The following PTPRN2 variants were observed in gnomAD, a reference collection of about 807,000 sequenced individuals.
The protein encoded by PTPRN2 is receptor-type tyrosine-protein phosphatase N2.
PTPRN2 carries 74 observed loss-of-function variants against 118.8 expected under a neutral mutation model. That is an observed-to-expected ratio of 0.62 (90% CI 0.52 to 0.76). PTPRN2 has a LOEUF of 0.76. Among genes scored for constraint, PTPRN2 ranks in the 30% least tolerant of loss-of-function variants. PTPRN2 has a pLI of 0.00. For synonymous variants in PTPRN2, 641 were observed against 608.0 expected, an observed-to-expected ratio of 1.05 and a Z score of -0.80; for missense variants, 1,481 against 1,394.4, an observed-to-expected ratio of 1.06 and a Z score of -0.99.
intron 2 of PTPRN2, among the ~76,000 whole-genome samples, chr7:158,337,493 G>A (rs201715630): frequency 4.6e-5 from 6 of 130,752 alleles, no homozygotes; most frequent in South Asian, 2.4e-4. Flanking sequence ...GACACCTGCA[G>A]ACGTCACTCG....
intron 22 of PTPRN2, among the ~76,000 whole-genome samples, chr7:157,541,888 T>C (rs1041164783): frequency 2.6e-5 from 4 of 152,228 alleles, no homozygotes; most frequent in African/African-American, 9.6e-5. Flanking sequence ...TCTCCTTTCA[T>C]ATTCTTCTGC....
At chr7:158,145,143 C>T (rs6950277) in intron 6 of PTPRN2, among the ~76,000 whole-genome samples, 29,242 of 131,162 alleles carry the variant, frequency 0.22, 1,127 homozygotes, top group East Asian at 0.26. Flanking sequence ...CAGAATACCA[C>T]GGCTCGGCAA....
At chr7:158,169,615 A>G (rs944963538) in intron 5 of PTPRN2, among the ~76,000 whole-genome samples, 5 of 151,860 alleles carry the variant, frequency 3.3e-5, no homozygotes, top group Non-Finnish European at 4.4e-5. Flanking sequence ...GTTCTCATAT[A>G]TGAACTTGGG....
chr7:157,621,655 T>A, intron 14 of PTPRN2, 146 bp from the exon 15 acceptor site: 2 of 957,174 alleles, frequency 2.1e-6, no homozygotes, highest in Non-Finnish European at 3.2e-6. Context: ...GACGTTGTGC[T>A]ACGGTGCACA....
At chr7:157,870,522 T>C (rs765986202) in intron 12 of PTPRN2, among the ~76,000 whole-genome samples, 16 of 152,270 alleles carry the variant, frequency 1.1e-4, no homozygotes, top group Non-Finnish European at 2.2e-4. Context: ...CATGTTGCTC[T>C]GATAGGGGCT....
intron 1 of PTPRN2, among the ~76,000 whole-genome samples, chr7:158,554,585 C>T (rs1456944655): frequency 1.3e-5 from 2 of 152,142 alleles, no homozygotes; most frequent in African/African-American, 2.4e-5. Context: ...TTGCTCTCAG[C>T]TTGTTCTGGG....
intron 12 of PTPRN2, among the ~76,000 whole-genome samples, chr7:157,775,457 G>C (rs1803144447): frequency 6.6e-6 from 1 of 152,242 alleles, no homozygotes; most frequent in Non-Finnish European, 1.5e-5. Flanking sequence ...AACCCTTGCA[G>C]TTCAACCCAC....
At chr7:158,172,787 C>A (rs1823825575) in intron 5 of PTPRN2, among the ~76,000 whole-genome samples, 1 of 150,002 alleles carries the variant, frequency 6.7e-6, no homozygotes, top group Non-Finnish European at 1.5e-5. Context: ...AGCATCCCAC[C>A]ATCATCATCT....
chr7:158,081,522 G>T, intron 10 of PTPRN2, 145 bp from the exon 11 acceptor site: 1 of 714,130 alleles, frequency 1.4e-6, no homozygotes, highest in Non-Finnish European at 2.4e-6. Context: ...TCCACTGGAC[G>T]TCGGTTTTCC....
intron 11 of PTPRN2, among the ~76,000 whole-genome samples, chr7:158,018,966 C>CAAAAA (rs753498681): frequency 7.3e-3 from 479 of 65,894 alleles, no homozygotes; most frequent in African/African-American, 0.012. Context: ...GTTTCAAAAA[C>CAAAAA]AAAAAAAAAA....
chr7:158,124,030 ACCTCAGATC>A (rs1390678375), intron 9 of PTPRN2, among the ~76,000 whole-genome samples: 1 of 151,972 alleles, frequency 6.6e-6, no homozygotes, highest in African/African-American at 2.4e-5. Context: ...ATCTGATTCG[ACCTCAGATC>A]CCGTGCCGAC....
Position 158,200,166 on chromosome 7 carries a change from T to C in PTPRN2, c.380+5005A>G, listed in dbSNP as rs919435224. Among the ~76,000 whole-genome samples, 7 of 152,134 alleles carry C rather than the reference T, an allele frequency of 4.6e-5. No homozygotes were observed. In the East Asian group the frequency reaches 1.2e-3, roughly 25 times the overall value. On this transcript the variant is annotated intron_variant, in intron 4 of 22. Coordinates refer to ENST00000389418, the MANE Select transcript of PTPRN2 (RefSeq NM_002847.5). The stretch of plus-strand genomic sequence containing the variant: ...ACCCAAGGGGCTTTGGAAACACCAC[T>C]TGATCTTATAAAAGCTGAGTTTCAA...
chr7:157,761,711 C>T (rs1310366007), intron 12 of PTPRN2, among the ~76,000 whole-genome samples: 6 of 148,942 alleles, frequency 4.0e-5, no homozygotes, highest in Non-Finnish European at 5.9e-5. Context: ...ATGTCTAAAA[C>T]GCCAAAAGCA....
intron 12 of PTPRN2, among the ~76,000 whole-genome samples, chr7:157,803,314 T>G (rs1805434048): frequency 6.6e-6 from 1 of 152,128 alleles, no homozygotes; most frequent in Non-Finnish European, 1.5e-5. Flanking sequence ...GGTATGCAAA[T>G]ATTTCCTCCC....
In PTPRN2 at chr7:158,336,679, GA is replaced by G. The variant is rs1805613402; in HGVS notation, c.164-19748del. Among the ~76,000 whole-genome samples the G allele has an allele frequency of 7.4e-5, 8 of 108,492 alleles. 1 individual carries two copies. Among genetic ancestry groups the G allele is most frequent in the African/African-American group, 2.6e-4 (8 of 30,694 alleles). The allele number at this position is 108,492 out of a possible 152,430, so 71.2% of individuals were successfully genotyped here. A position where few individuals can be genotyped will look rare whatever the true frequency, so the allele number is the denominator to read the frequency against. The stretch of plus-strand genomic sequence containing the variant: ...ACTCACACCCACACTCTCACCATAA[GA>G]GCTGACGCCCGCAGACGTCACTCAC... On this transcript the variant is annotated intron_variant, in intron 2 of 22. Coordinates refer to ENST00000389418, the MANE Select transcript of PTPRN2 (RefSeq NM_002847.5).
intron 1 of PTPRN2, among the ~76,000 whole-genome samples, chr7:158,496,171 A>G (rs1821828380): frequency 6.6e-6 from 1 of 151,454 alleles, no homozygotes; most frequent in Non-Finnish European, 1.5e-5. Flanking sequence ...GCCCAGTCCC[A>G]GTCTGGGGAC....
intron 6 of PTPRN2, among the ~76,000 whole-genome samples, chr7:158,158,097 A>C (rs1443756150): frequency 1.3e-5 from 2 of 152,082 alleles, no homozygotes; most frequent in African/African-American, 4.8e-5. Context: ...GCTTGGGTTT[A>C]GAGCACTGAG....
intron 2 of PTPRN2, among the ~76,000 whole-genome samples, chr7:158,366,970 C>G (rs755031299): frequency 3.9e-5 from 6 of 152,160 alleles, no homozygotes; most frequent in Non-Finnish European, 7.3e-5. Flanking sequence ...TGGGCAGTGC[C>G]GCTCCCGTGC....
Position 158,210,072 on chromosome 7 carries a change from A to G in PTPRN2, c.278-4799T>C, listed in dbSNP as rs116101671. ...AAGCAGTACTAAGAGGAAAGTTTAT[A>G]GCTATAAGCAACTACATCGAGAAAA... On this transcript the variant is annotated intron_variant, in intron 3 of 22. Transcript: ENST00000389418. Among the ~76,000 whole-genome samples, 1,072 of 151,876 alleles carry G rather than the reference A, an allele frequency of 7.1e-3. 17 individuals are homozygous for G. The highest frequency in any genetic ancestry group is 0.025 in the African/African-American group (1,021 of 41,432).
Sources: allele counts gnomAD v4.1 joint callset (sites outside exome capture counted in the v4.1 genomes callset), GRCh38; gene constraint gnomAD v4.1.1; transcripts MANE v1.5; gene names NCBI Gene and HGNC (gene_info 2026-07-23, HGNC 2026-07-21).